Variants in NIPA2 observed in about 807,000 individuals in gnomAD.
NIPA2 encodes NIPA magnesium transporter 2.
Under a neutral mutation model 29.7 loss-of-function variants are expected in NIPA2, and 11 were observed. The ratio of observed to expected loss-of-function variants is 0.37; its 90% CI spans 0.23 to 0.61. The LOEUF is 0.61. Among genes scored for constraint, NIPA2 ranks in the 20% least tolerant of loss-of-function variants. NIPA2 has a pLI of 0.66. For synonymous variants in NIPA2, 183 were observed against 161.9 expected (o/e 1.13, Z -0.99); for missense variants, 426 against 437.9 (o/e 0.97, Z 0.24).
Position 22,860,806 on chromosome 15 carries a change from AT to A in NIPA2, c.448+19del. ...GTGATCCAGGTAAGAAAAAAGTCTT[AT>A]TAGTCTTACTGTATTTTACTTTTTA... is the stretch of plus-strand genomic sequence containing the variant. On this transcript the variant is annotated intron_variant, in intron 7 of 7. Coordinates refer to ENST00000337451, the MANE Select transcript of NIPA2 (RefSeq NM_030922.7). 1.3e-6 allele frequency: 2 copies of A among 1,564,720 alleles called. No individual in the cohort carries two copies. The highest frequency in any genetic ancestry group is 1.2e-5 in the South Asian group (1 of 83,260).
At chr15:22,861,901 ATTT>A (rs1233597987) in intron 7 of NIPA2, among the ~76,000 whole-genome samples, 2 of 151,494 alleles carry the variant, frequency 1.3e-5, no homozygotes, top group Non-Finnish European at 2.9e-5. Context: ...TGCCTGGCTA[ATTT>A]TTTTTGTTTG....
chr15:22,865,371 A>C (rs2058938569), intron 7 of NIPA2, among the ~76,000 whole-genome samples: 2 of 151,932 alleles, frequency 1.3e-5, no homozygotes, highest in African/African-American at 4.8e-5. Context: ...CTGTAGTCCC[A>C]GCTACTCAGG....
intron 7 of NIPA2, among the ~76,000 whole-genome samples, chr15:22,862,895 A>C (rs1021349264): frequency 3.9e-5 from 4 of 103,434 alleles, no homozygotes; most frequent in Non-Finnish European, 7.8e-5. Flanking sequence ...GTTTGCCTTT[A>C]TTCTTTTTTT....
intron 2 of NIPA2, among the ~76,000 whole-genome samples, chr15:22,840,447 G>A (rs1455586450): frequency 6.6e-6 from 1 of 151,966 alleles, no homozygotes; most frequent in African/African-American, 2.4e-5. Context: ...ACAGGCGCCG[G>A]CGACCACGCC....
At position 22,866,825 on chromosome 15, in the gene NIPA2, A is replaced by G; in HGVS notation, c.1061A>G (p.Asn354Ser). 1.3e-6 allele frequency: 2 copies of G among 1,594,016 alleles called. No homozygotes were observed. The highest frequency in any genetic ancestry group is 1.1e-5 in the South Asian group (1 of 87,940). Residue 354 changes from asparagine (N) to serine (S), a missense_variant, in exon 8 of 8, where the codon AAT becomes AGT. Physicochemically the swap from Asn to Ser is conservative, Grantham distance 46. Transcript: ENST00000337451. ...ACTGGTGAAAATGTCTCCCGAAGAAATGGAAATCTGACAGCTTTTTAAGAA... is the reference window on the plus strand; with the variant it reads ...ACTGGTGAAAATGTCTCCCGAAGAAGTGGAAATCTGACAGCTTTTTAAGAA... ...QHTGENVSRR[N>S]GNLTAF
intron 6 of NIPA2, 62 bp from the exon 7 acceptor site, chr15:22,860,567 T>C: frequency 9.5e-7 from 1 of 1,050,310 alleles, no homozygotes; most frequent in Non-Finnish European, 1.4e-6. Flanking sequence ...CGAGTTTTAT[T>C]GATATTTGAA....
chr15:22,849,854 G>A (rs536674628), intron 3 of NIPA2, among the ~76,000 whole-genome samples: 14 of 152,104 alleles, frequency 9.2e-5, no homozygotes, highest in Non-Finnish European at 1.9e-4. Context: ...GAGCCACCGC[G>A]CCCGACCCAG....
chr15:22,863,640 A>G (rs1250101621), intron 7 of NIPA2, among the ~76,000 whole-genome samples: 3 of 152,202 alleles, frequency 2.0e-5, no homozygotes, highest in Non-Finnish European at 2.9e-5. Flanking sequence ...TCACTACTCT[A>G]TAGTTCCCTC....
At chr15:22,855,743 G>A (rs1024389725) in intron 5 of NIPA2, among the ~76,000 whole-genome samples, 4 of 152,124 alleles carry the variant, frequency 2.6e-5, no homozygotes, top group Non-Finnish European at 1.5e-5. Context: ...CTCGCTGAAA[G>A]GTATTTGGGT....
intron 5 of NIPA2, 140 bp downstream of exon 5, chr15:22,853,408 C>CT: frequency 2.1e-6 from 1 of 477,724 alleles, no homozygotes; most frequent in Non-Finnish European, 3.6e-6. Context: ...GAGTCTCACT[C>CT]TGTCACCCAG....
At chr15:22,859,097 G>A (rs1223913301) in intron 6 of NIPA2, among the ~76,000 whole-genome samples, 1 of 151,926 alleles carries the variant, frequency 6.6e-6, no homozygotes, top group African/African-American at 2.4e-5. Flanking sequence ...TGGCTTGAAC[G>A]CAGGAAGAGG....
intron 3 of NIPA2, among the ~76,000 whole-genome samples, chr15:22,851,059 T>C (rs1415051424): frequency 6.6e-6 from 1 of 152,060 alleles, no homozygotes; most frequent in Non-Finnish European, 1.5e-5. Flanking sequence ...GTCCTCATGT[T>C]CTCCAAAGGC....
intron 7 of NIPA2, 75 bp from the exon 8 acceptor site, chr15:22,866,138 T>C (rs1215342447): frequency 8.3e-7 from 1 of 1,200,842 alleles, no homozygotes; most frequent in Non-Finnish European, 1.2e-6. Context: ...TCAAGTTTAT[T>C]ATATTTTGTT....
At position 22,838,708 on chromosome 15, in the gene NIPA2, C is replaced by CGCA. The variant is rs1896201717; in HGVS notation, c.-565_-564insGCA. ...CCCGGCAGCGGTGGTGACGGCGGTG[C>CGCA]CGGAGGTTGTCCTTGGCAGGTTTTC... On this transcript the variant is annotated 5_prime_UTR_variant, in exon 1 of 8. Transcript: ENST00000337451. The CGCA allele has an allele frequency of 6.6e-6, 1 of 152,502 alleles. No homozygotes were observed. The highest frequency in any genetic ancestry group is 6.5e-5 in the Admixed American group (1 of 15,290). The allele number at this position is 152,502 out of a possible 1,614,324, so 9.4% of individuals were successfully genotyped here.
intron 3 of NIPA2, among the ~76,000 whole-genome samples, chr15:22,850,177 C>T (rs1472687823): frequency 6.6e-6 from 1 of 151,962 alleles, no homozygotes; most frequent in Non-Finnish European, 1.5e-5. Context: ...ATCTCAGTGG[C>T]ATAGAGGAAT....
chr15:22,859,661 C>G (rs918202989), intron 6 of NIPA2, among the ~76,000 whole-genome samples: 9 of 152,136 alleles, frequency 5.9e-5, no homozygotes, highest in South Asian at 4.1e-4. Flanking sequence ...TGTCCCATTT[C>G]TGCTTTGTAA....
intron 1 of NIPA2, among the ~76,000 whole-genome samples, chr15:22,839,414 C>G (rs1896407286): frequency 6.6e-6 from 1 of 152,174 alleles, no homozygotes; most frequent in Admixed American, 6.5e-5. Flanking sequence ...ATGTTAAGTT[C>G]TGTTTCTAGA....
At chr15:22,842,785 C>T (rs544173027) in intron 2 of NIPA2, among the ~76,000 whole-genome samples, 8 of 151,080 alleles carry the variant, frequency 5.3e-5, no homozygotes, top group South Asian at 4.1e-4. Context: ...GCCAAGATTG[C>T]GCCAGCGCAC....
chr15:22,852,590 C>A (rs2057852653), intron 4 of NIPA2, among the ~76,000 whole-genome samples: 1 of 152,070 alleles, frequency 6.6e-6, no homozygotes, highest in African/African-American at 2.4e-5. Flanking sequence ...ACTGGGCTTC[C>A]CCAGCTTGAA....
Sources: gnomAD v4.1 joint callset for allele counts (sites outside exome capture counted in the v4.1 genomes callset) on GRCh38, gnomAD v4.1.1 for gene constraint, MANE v1.5 for transcripts, NCBI Gene and HGNC (gene_info 2026-07-23, HGNC 2026-07-21) for gene names.